Variants in DENND1A observed in about 807,000 individuals in gnomAD.
DENND1A encodes the protein DENN domain-containing protein 1A.
DENND1A carries 51 observed loss-of-function variants against 113.7 expected under a neutral mutation model. The observed-to-expected ratio is 0.45, with a 90% confidence interval of 0.36 to 0.57. The LOEUF is 0.57. DENND1A is among the 20% of genes least tolerant of loss of function. DENND1A has a pLI of 0.00. For synonymous variants in DENND1A, 565 were observed against 570.8 expected (o/e 0.99, Z 0.14); for missense variants, 1,258 against 1,395.9 (o/e 0.90, Z 1.57).
intron 10 of DENND1A, among the ~76,000 whole-genome samples, chr9:123,617,292 T>C (rs1015546429): frequency 6.6e-6 from 1 of 152,188 alleles, no homozygotes; most frequent in African/African-American, 2.4e-5. Flanking sequence ...CTAGTTTCCA[T>C]TTGTGGTTTC....
In DENND1A at chr9:123,418,432, T is replaced by G. The variant is rs376335664; in HGVS notation, c.1489-6603A>C. Among the ~76,000 whole-genome samples the G allele has an allele frequency of 3.3e-5, 5 of 152,332 alleles. No individual in the cohort carries two copies. In the East Asian group the frequency reaches 9.7e-4, roughly 29 times the overall value. On this transcript the variant is annotated intron_variant, in intron 19 of 23. Transcript: ENST00000394215. ...ATGAGGACAGCATCTGATTTGCAGT[T>G]CATTTGTTGATGCAGCAAAACACAT...
At chr9:123,726,326 C>T (rs2067703414) in intron 5 of DENND1A, among the ~76,000 whole-genome samples, 1 of 152,138 alleles carries the variant, frequency 6.6e-6, no homozygotes, top group South Asian at 2.1e-4. Flanking sequence ...CACAAAAGCC[C>T]CTCAGATAAT....
chr9:123,711,487 ATAT>A (rs1323891160), intron 5 of DENND1A, among the ~76,000 whole-genome samples: 432 of 64,350 alleles, frequency 6.7e-3, no homozygotes, highest in Admixed American at 8.7e-3. Context: ...AAATTAAAAA[ATAT>A]ATATATATAT....
intron 2 of DENND1A, among the ~76,000 whole-genome samples, chr9:123,848,024 T>C (rs542537871): frequency 3.3e-5 from 5 of 152,018 alleles, no homozygotes; most frequent in Non-Finnish European, 7.4e-5. Flanking sequence ...AATAATATCT[T>C]ACATGTTTAA....
chr9:123,822,994 T>G (rs1838726375), intron 2 of DENND1A, among the ~76,000 whole-genome samples: 3 of 152,182 alleles, frequency 2.0e-5, no homozygotes, highest in Admixed American at 2.0e-4. Context: ...TGTCCCAATT[T>G]AAGTCTCACA....
At chr9:123,460,027 T>C (rs1243878165) in intron 13 of DENND1A, among the ~76,000 whole-genome samples, 2 of 152,180 alleles carry the variant, frequency 1.3e-5, no homozygotes, top group African/African-American at 4.8e-5. Context: ...CATAGATATA[T>C]AAAAAGTATT....
At chr9:123,388,767 C>T (rs2042693018) in intron 21 of DENND1A, among the ~76,000 whole-genome samples, 1 of 152,214 alleles carries the variant, frequency 6.6e-6, no homozygotes, top group African/African-American at 2.4e-5. Context: ...AGGCCATGTG[C>T]TCAGCAGGGG....
At chr9:123,757,473 A>G (rs1217443719) in intron 5 of DENND1A, among the ~76,000 whole-genome samples, 1 of 152,230 alleles carries the variant, frequency 6.6e-6, no homozygotes, top group Admixed American at 6.5e-5. Flanking sequence ...CTCAGAAGAG[A>G]TGGTCCCCTT....
chr9:123,519,402 T>G (rs1285034796), intron 13 of DENND1A, among the ~76,000 whole-genome samples: 1 of 151,964 alleles, frequency 6.6e-6, no homozygotes, highest in Non-Finnish European at 1.5e-5. Flanking sequence ...CTCTTTCAGA[T>G]TCCATCCCCA....
At chr9:123,544,620 TCA>T (rs2056525649) in intron 13 of DENND1A, among the ~76,000 whole-genome samples, 1 of 152,296 alleles carries the variant, frequency 6.6e-6, no homozygotes, top group Non-Finnish European at 1.5e-5. Flanking sequence ...TTTCCTAGCC[TCA>T]GTTTCTCATC....
intron 13 of DENND1A, among the ~76,000 whole-genome samples, chr9:123,529,778 C>A (rs980738382): frequency 1.3e-5 from 2 of 152,172 alleles, no homozygotes; most frequent in African/African-American, 2.4e-5. Flanking sequence ...TAGAATAATG[C>A]AGTGATGTGA....
At chr9:123,770,321 G>A (rs1829523131) in intron 3 of DENND1A, among the ~76,000 whole-genome samples, 1 of 152,010 alleles carries the variant, frequency 6.6e-6, no homozygotes, top group South Asian at 2.1e-4. Context: ...CATTATTCAG[G>A]ATTAGGGTAC....
At chr9:123,676,934 C>T (rs915378940) in intron 5 of DENND1A, 145 bp from the exon 6 acceptor site, 45 of 751,724 alleles carry the variant, frequency 6.0e-5, no homozygotes, top group South Asian at 9.9e-5. Flanking sequence ...CACAAACTGG[C>T]GAAATGCTAA....
chr9:123,586,951 A>T (rs897486227), intron 11 of DENND1A, among the ~76,000 whole-genome samples: 50 of 152,112 alleles, frequency 3.3e-4, no homozygotes, highest in African/African-American at 1.0e-3. Flanking sequence ...ACACAGTCTT[A>T]TTGCGGGATC....
At chr9:123,734,773 T>A (rs2068438948) in intron 5 of DENND1A, among the ~76,000 whole-genome samples, 1 of 152,174 alleles carries the variant, frequency 6.6e-6, no homozygotes, top group Non-Finnish European at 1.5e-5. Context: ...GATGGGTGTG[T>A]ATTACAGCAA....
intron 13 of DENND1A, chr9:123,461,780 A>G (rs2048544084): frequency 6.6e-6 from 1 of 152,268 alleles, no homozygotes. Context: ...TAAAAATGCA[A>G]CAGGACATGG....
At chr9:123,870,831 T>C (rs1846482690) in intron 2 of DENND1A, among the ~76,000 whole-genome samples, 1 of 152,120 alleles carries the variant, frequency 6.6e-6, no homozygotes, top group Admixed American at 6.6e-5. Context: ...ATAAGAGCCA[T>C]CTTTAGAGAA....
At chr9:123,755,398 C>A (rs2070447964) in intron 5 of DENND1A, among the ~76,000 whole-genome samples, 1 of 151,974 alleles carries the variant, frequency 6.6e-6, no homozygotes, top group Non-Finnish European at 1.5e-5. Flanking sequence ...CCCACCTCAG[C>A]CTCCCAAACT....
At chr9:123,926,825 A>C (rs1346081656) in intron 1 of DENND1A, among the ~76,000 whole-genome samples, 3 of 152,278 alleles carry the variant, frequency 2.0e-5, no homozygotes, top group Admixed American at 6.5e-5. Context: ...AAGATAAATA[A>C]GACAGTCCTT....
Sources: gnomAD v4.1 joint callset for allele counts (sites outside exome capture counted in the v4.1 genomes callset) on GRCh38, gnomAD v4.1.1 for gene constraint, MANE v1.5 for transcripts, NCBI Gene and HGNC (gene_info 2026-07-23, HGNC 2026-07-21) for gene names.